Variants in ADGRB3 observed in about 807,000 individuals in gnomAD.
The protein encoded by ADGRB3 is brain-specific angiogenesis inhibitor 3.
ADGRB3 carries 37 observed loss-of-function variants against 193.4 expected under a neutral mutation model. That is an observed-to-expected ratio of 0.19 (90% CI 0.15 to 0.25). ADGRB3 has a LOEUF of 0.25. Ranked by LOEUF, ADGRB3 falls within the 10% of genes least tolerant of loss-of-function variation. ADGRB3 has a pLI of 1.00. For synonymous variants in ADGRB3, 690 were observed against 644.2 expected (o/e 1.07, Z -1.08); for missense variants, 1,637 against 1,852.9 (o/e 0.88, Z 2.14).
At chr6:69,214,984 A>G (rs1297155667) in intron 17 of ADGRB3, among the ~76,000 whole-genome samples, 1 of 151,962 alleles carries the variant, frequency 6.6e-6, no homozygotes, top group East Asian at 1.9e-4. Context: ...GCAAAACATC[A>G]CTCTCCATCT....
At chr6:68,951,864 G>A (rs549248187) in intron 6 of ADGRB3, among the ~76,000 whole-genome samples, 1 of 152,010 alleles carries the variant, frequency 6.6e-6, no homozygotes, top group African/African-American at 2.4e-5. Context: ...TGCTGAGCCC[G>A]GTAAAAAGTC....
chr6:68,985,030 C>T lies in ADGRB3; in HGVS notation c.1735-8738C>T, dbSNP rs562217992. Among the ~76,000 whole-genome samples, 6 of 151,902 alleles carry T rather than the reference C, an allele frequency of 3.9e-5. No individual in the cohort carries two copies. In the South Asian group the frequency reaches 6.2e-4, roughly 16 times the overall value. ...AATTTCCAGAAGGTTGAAAATAAGC[C>T]TATTAGAGAAATATAATAGGATTAG... On this transcript the variant is annotated intron_variant, in intron 10 of 31. Transcript: ENST00000370598.
At chr6:69,177,756 C>T (rs1162072306) in intron 17 of ADGRB3, among the ~76,000 whole-genome samples, 3 of 152,128 alleles carry the variant, frequency 2.0e-5, no homozygotes, top group Non-Finnish European at 4.4e-5. Context: ...GAAATAACTT[C>T]TTGGTATTGG....
At chr6:68,790,324 G>A (rs1217255160) in intron 3 of ADGRB3, among the ~76,000 whole-genome samples, 1 of 152,186 alleles carries the variant, frequency 6.6e-6, no homozygotes, top group Non-Finnish European at 1.5e-5. Context: ...GCCTAATCAA[G>A]GAGGCCTGCC....
At chr6:68,924,130 A>G (rs1009285629) in intron 3 of ADGRB3, among the ~76,000 whole-genome samples, 2 of 152,084 alleles carry the variant, frequency 1.3e-5, no homozygotes, top group Non-Finnish European at 2.9e-5. Flanking sequence ...ACATATTTTT[A>G]AGCAAACTAT....
intron 17 of ADGRB3, among the ~76,000 whole-genome samples, chr6:69,077,503 TGTTA>T (rs745841944): frequency 1.6e-4 from 24 of 151,984 alleles, no homozygotes; most frequent in Non-Finnish European, 3.5e-4. Flanking sequence ...CGGGGGAAAG[TGTTA>T]GTTATTCCAA....
At chr6:68,758,924 A>G (rs985091911) in intron 3 of ADGRB3, among the ~76,000 whole-genome samples, 2 of 152,116 alleles carry the variant, frequency 1.3e-5, no homozygotes, top group African/African-American at 4.8e-5. Context: ...CAAAAGGGTG[A>G]TTCCTGAGAT....
chr6:68,865,195 A>T (rs746399446), intron 3 of ADGRB3, among the ~76,000 whole-genome samples: 3 of 152,166 alleles, frequency 2.0e-5, no homozygotes, highest in Admixed American at 6.5e-5. Flanking sequence ...TATTTTGCTC[A>T]TCCTCAGACC....
chr6:69,217,120 G>T (rs1355081888), intron 17 of ADGRB3, among the ~76,000 whole-genome samples: 1 of 152,178 alleles, frequency 6.6e-6, no homozygotes, highest in Non-Finnish European at 1.5e-5. Flanking sequence ...TGAGAAAAGG[G>T]ACCTTCAGTT....
At chr6:68,999,058 T>C (rs1210876889) in intron 11 of ADGRB3, among the ~76,000 whole-genome samples, 2 of 152,240 alleles carry the variant, frequency 1.3e-5, no homozygotes, top group East Asian at 3.8e-4. Flanking sequence ...AACCTTGATT[T>C]ATGAGATGTT....
intron 17 of ADGRB3, among the ~76,000 whole-genome samples, chr6:69,100,480 A>G (rs1035990164): frequency 4.6e-5 from 7 of 152,172 alleles, no homozygotes; most frequent in Non-Finnish European, 1.0e-4. Context: ...AAAAGCAAAA[A>G]CTAAGTTCTC....
chr6:69,188,190 A>T (rs1765107714), intron 17 of ADGRB3, among the ~76,000 whole-genome samples: 1 of 152,100 alleles, frequency 6.6e-6, no homozygotes, highest in African/African-American at 2.4e-5. Flanking sequence ...TAAAAGGTTA[A>T]TTTTTGTTTG....
At chr6:69,206,793 C>T (rs551198909) in intron 17 of ADGRB3, among the ~76,000 whole-genome samples, 1 of 152,292 alleles carries the variant, frequency 6.6e-6, no homozygotes, top group South Asian at 2.1e-4. Flanking sequence ...TGATGACTAC[C>T]TTCTACTACC....
At chr6:69,075,416 G>A (rs1032097054) in intron 16 of ADGRB3, among the ~76,000 whole-genome samples, 9 of 152,126 alleles carry the variant, frequency 5.9e-5, no homozygotes, top group Admixed American at 3.3e-4. Context: ...AATTATTGAA[G>A]TAAATTTAAA....
chr6:68,871,477 A>G (rs574393964), intron 3 of ADGRB3, among the ~76,000 whole-genome samples: 102 of 152,140 alleles, frequency 6.7e-4, no homozygotes, highest in Admixed American at 1.4e-3. Context: ...TCATATAATC[A>G]ATTTTGTACT....
At chr6:68,777,807 A>G (rs951961662) in intron 3 of ADGRB3, among the ~76,000 whole-genome samples, 1 of 152,108 alleles carries the variant, frequency 6.6e-6, no homozygotes, top group East Asian at 1.9e-4. Flanking sequence ...CAGAGAATTC[A>G]TGCATAGACA....
intron 3 of ADGRB3, among the ~76,000 whole-genome samples, chr6:68,871,442 A>G (rs1286186017): frequency 6.6e-6 from 1 of 152,122 alleles, no homozygotes; most frequent in African/African-American, 2.4e-5. Flanking sequence ...GCATGGGGGA[A>G]TAAAGATTCC....
chr6:68,709,199 A>G (rs1765371707), intron 3 of ADGRB3, among the ~76,000 whole-genome samples: 2 of 152,206 alleles, frequency 1.3e-5, no homozygotes, highest in African/African-American at 4.8e-5. Context: ...AGATGCAGAT[A>G]CTTTAGACCT....
intron 20 of ADGRB3, among the ~76,000 whole-genome samples, chr6:69,302,678 C>T (rs1000121274): frequency 2.2e-4 from 34 of 151,910 alleles, no homozygotes; most frequent in Non-Finnish European, 4.4e-4. Context: ...AAAGGATTGT[C>T]GACTTTATGA....
Sources: gnomAD v4.1 joint callset for allele counts (sites outside exome capture counted in the v4.1 genomes callset) on GRCh38, gnomAD v4.1.1 for gene constraint, MANE v1.5 for transcripts, NCBI Gene and HGNC (gene_info 2026-07-23, HGNC 2026-07-21) for gene names.